Variants in ZNF169 observed in about 807,000 individuals in gnomAD.
ZNF169 encodes zinc finger protein 169.
In ZNF169, 11 loss-of-function variants were observed where a neutral mutation model predicts 12.0. That is an observed-to-expected ratio of 0.92 (90% confidence interval 0.58 to 1.52). The LOEUF (loss-of-function observed/expected upper bound fraction) is 1.52. Among genes scored for constraint, ZNF169 ranks in the 40% most tolerant of loss-of-function variants. ZNF169 has a pLI of 0.00. For synonymous variants in ZNF169, 302 were observed against 286.5 expected (o/e 1.05, Z -0.55); for missense variants, 722 against 744.0 (o/e 0.97, Z 0.34).
At chr9:94,259,517 C>A (rs1036733222) in intron 1 of ZNF169, among the ~76,000 whole-genome samples, 172 bp downstream of exon 1, 2 of 152,200 alleles carry the variant, frequency 1.3e-5, no homozygotes, top group African/African-American at 4.8e-5. Context: ...GTGGTCCACC[C>A]CGGAGAGAGG....
chr9:94,266,596 G>A (rs771557063), intron 1 of ZNF169, among the ~76,000 whole-genome samples: 11 of 152,236 alleles, frequency 7.2e-5, no homozygotes, highest in Non-Finnish European at 1.3e-4. Context: ...GCACAGCTTA[G>A]GTTTCAGTGG....
At chr9:94,277,806 C>T (rs1207646229) in intron 1 of ZNF169, among the ~76,000 whole-genome samples, 1 of 151,846 alleles carries the variant, frequency 6.6e-6, no homozygotes, top group African/African-American at 2.4e-5. Flanking sequence ...ATGGCGGGCG[C>T]CTGTAGTCCC....
chr9:94,278,711 G>T, intron 1 of ZNF169, 47 bp from the exon 2 acceptor site: 1 of 1,102,546 alleles, frequency 9.1e-7, no homozygotes, highest in South Asian at 1.3e-5. Flanking sequence ...AGAGTGTGAA[G>T]GGTGTTCTTC....
intron 2 of ZNF169, among the ~76,000 whole-genome samples, chr9:94,291,417 T>C (rs888448766): frequency 1.1e-4 from 17 of 152,144 alleles, no homozygotes; most frequent in African/African-American, 3.6e-4. Context: ...AAACCAACGT[T>C]ATATCTGTTC....
chr9:94,277,818 G>T (rs928673510), intron 1 of ZNF169, among the ~76,000 whole-genome samples: 1 of 151,774 alleles, frequency 6.6e-6, no homozygotes, highest in African/African-American at 2.4e-5. Flanking sequence ...TGTAGTCCCA[G>T]CTACTCGGGA....
intron 1 of ZNF169, among the ~76,000 whole-genome samples, chr9:94,268,339 A>G (rs980620800): frequency 5.3e-5 from 8 of 152,338 alleles, no homozygotes; most frequent in African/African-American, 1.9e-4. Context: ...ATACACTAAA[A>G]TAGAATTATA....
intron 1 of ZNF169, among the ~76,000 whole-genome samples, chr9:94,277,739 G>T (rs1239612409): frequency 6.6e-6 from 1 of 151,832 alleles, no homozygotes. Context: ...AGACCATCCT[G>T]GCTAACACAG....
intron 1 of ZNF169, among the ~76,000 whole-genome samples, chr9:94,270,850 TA>T (rs373309577): frequency 0.57 from 15,993 of 28,044 alleles, 4,112 homozygotes; most frequent in East Asian, 0.73. Context: ...TTATATTATA[TA>T]AATATATATA....
chr9:94,268,412 A>G (rs1225480703), intron 1 of ZNF169, among the ~76,000 whole-genome samples: 2 of 152,216 alleles, frequency 1.3e-5, no homozygotes, highest in African/African-American at 4.8e-5. Flanking sequence ...AGCCCAAAGA[A>G]AGCCAAACAT....
intron 2 of ZNF169, among the ~76,000 whole-genome samples, chr9:94,291,704 T>C (rs1345903525): frequency 6.6e-6 from 1 of 152,158 alleles, no homozygotes; most frequent in Non-Finnish European, 1.5e-5. Context: ...TAAAATACAG[T>C]ACCATTAAAA....
chr9:94,273,440 CT>C (rs1038930938), intron 1 of ZNF169, among the ~76,000 whole-genome samples: 3 of 151,132 alleles, frequency 2.0e-5, no homozygotes, highest in African/African-American at 7.3e-5. Flanking sequence ...ATGTTTTCCT[CT>C]TTATTACTTC....
At chr9:94,299,464 T>C in intron 4 of ZNF169, 1 of 1,070,560 alleles carries the variant, frequency 9.3e-7, no homozygotes. Flanking sequence ...CACCAAGTTC[T>C]TGGCTCTTGC....
At chr9:94,284,379 C>G (rs765300717) in intron 2 of ZNF169, among the ~76,000 whole-genome samples, 1 of 151,182 alleles carries the variant, frequency 6.6e-6, no homozygotes, top group African/African-American at 2.4e-5. Context: ...GAGATGAGAT[C>G]GTGCCACTGC....
intron 4 of ZNF169, among the ~76,000 whole-genome samples, chr9:94,296,449 A>G (rs1445465654): frequency 6.6e-6 from 1 of 152,202 alleles, no homozygotes; most frequent in Non-Finnish European, 1.5e-5. Context: ...AGTAAGGTCA[A>G]AAAGATTCTC....
intron 1 of ZNF169, among the ~76,000 whole-genome samples, chr9:94,265,333 A>G (rs535984170): frequency 1.3e-5 from 2 of 152,080 alleles, no homozygotes; most frequent in South Asian, 4.1e-4. Context: ...TAATCCCAGC[A>G]CTTTGGGAGG....
At chr9:94,270,873 ATT>A (rs1292196809) in intron 1 of ZNF169, among the ~76,000 whole-genome samples, 10 of 35,144 alleles carry the variant, frequency 2.8e-4, no homozygotes, top group Admixed American at 1.2e-3. Flanking sequence ...TAATATATAT[ATT>A]ATATTATATA....
chr9:94,288,329 A>C (rs1332367553), intron 2 of ZNF169: 1 of 977,328 alleles, frequency 1.0e-6, no homozygotes, highest in African/African-American at 1.6e-5. Flanking sequence ...TCGGTGTTCT[A>C]TTTCTCTGTA....
At position 94,301,280 on chromosome 9, in the gene ZNF169, G is replaced by A. The variant is rs1335135359; in HGVS notation, c.1722G>A (p.Glu574=). The part of the protein sequence containing the change: ...HSGEKPYVCR[E]CGRGFSQKSH... ...GGGAGAAGCCGTATGTCTGCAGGGAGTGTGGGCGTGGCTTTAGCCAGAAGT... is the reference window on the plus strand; with the variant it reads ...GGGAGAAGCCGTATGTCTGCAGGGAATGTGGGCGTGGCTTTAGCCAGAAGT... Residue 574 remains glutamate (E), a synonymous_variant, in exon 5 of 5, where the codon GAG becomes GAA. Coordinates refer to ENST00000395395, the MANE Select transcript of ZNF169 (RefSeq NM_194320.4). The A allele has an allele frequency of 6.2e-7, 1 of 1,613,486 alleles. No individual in the cohort carries two copies. The highest frequency in any genetic ancestry group is 2.2e-5 in the East Asian group (1 of 44,780).
At chr9:94,265,233 A>G (rs531224406) in intron 1 of ZNF169, among the ~76,000 whole-genome samples, 51 of 151,980 alleles carry the variant, frequency 3.4e-4, no homozygotes, top group African/African-American at 1.1e-3. Context: ...GAGAGTTTTT[A>G]TTTCTGTAAC....
Sources: gnomAD v4.1 joint callset for allele counts (sites outside exome capture counted in the v4.1 genomes callset) on GRCh38, gnomAD v4.1.1 for gene constraint, MANE v1.5 for transcripts, NCBI Gene and HGNC (gene_info 2026-07-23, HGNC 2026-07-21) for gene names.